Variants in SGCZ observed in about 807,000 individuals in gnomAD.
SGCZ encodes the protein zeta-sarcoglycan.
In SGCZ, 40 loss-of-function variants were observed where a neutral mutation model predicts 41.3. The observed-to-expected ratio is 0.97, with a 90% confidence interval of 0.75 to 1.26. The LOEUF (loss-of-function observed/expected upper bound fraction) is 1.26, where lower values mean the gene tolerates loss of function less well. Ranked by LOEUF, SGCZ falls within the 50% of genes most tolerant of loss-of-function variation. SGCZ has a pLI of 0.00. For missense variants in SGCZ, 552 were observed against 369.8 expected (o/e 1.49, Z -4.04); for synonymous variants, 206 against 137.5 (o/e 1.50, Z -3.49).
chr8:14,764,734 G>A lies in SGCZ; in HGVS notation c.40-209808C>T, dbSNP rs532692215. Reference sequence around the variant, plus strand: ...ATTAGATCCTGGACCAAATCAAGAAGAATTAAAAACAATTAGAAAAACTTA... The same window carrying A: ...ATTAGATCCTGGACCAAATCAAGAAAAATTAAAAACAATTAGAAAAACTTA... On this transcript the variant is annotated intron_variant, in intron 1 of 7. Coordinates refer to ENST00000382080, the MANE Select transcript of SGCZ (RefSeq NM_139167.4). 7.9e-5 allele frequency among the ~76,000 whole-genome samples: 12 copies of A among 152,194 alleles called. No individual in the cohort carries two copies. The East Asian group carries it at 1.9e-3, about 24-fold the overall frequency.
intron 3 of SGCZ, among the ~76,000 whole-genome samples, chr8:14,239,958 T>C (rs542846739): frequency 2.9e-5 from 4 of 140,292 alleles, no homozygotes; most frequent in South Asian, 2.4e-4. Flanking sequence ...TTATTACACA[T>C]GTTAAAATAG....
At chr8:14,778,166 G>C (rs886925291) in intron 1 of SGCZ, among the ~76,000 whole-genome samples, 1 of 152,018 alleles carries the variant, frequency 6.6e-6, no homozygotes, top group South Asian at 2.1e-4. Flanking sequence ...GGCCTCAAGC[G>C]ATCCTCCCTC....
chr8:14,774,311 T>C lies in SGCZ; in HGVS notation c.40-219385A>G, dbSNP rs143215296. On this transcript the variant is annotated intron_variant, in intron 1 of 7. Transcript: ENST00000382080. ...ATTTTGGACTTGTTAGTCTCTATAATTGCATCAGCCAATTTCTTAAGTGTC... is the reference window on the plus strand; with the variant it reads ...ATTTTGGACTTGTTAGTCTCTATAACTGCATCAGCCAATTTCTTAAGTGTC... Among the ~76,000 whole-genome samples the C allele has an allele frequency of 3.7e-4, 57 of 152,322 alleles. 3 individuals are homozygous for C. In the East Asian group the frequency reaches 9.8e-3, roughly 26 times the overall value.
chr8:14,195,981 C>G, intron 4 of SGCZ, among the ~76,000 whole-genome samples: 1 of 152,106 alleles, frequency 6.6e-6, no homozygotes, highest in East Asian at 1.9e-4. Context: ...GTAGTGACCA[C>G]CTGAGTAAAC....
intron 1 of SGCZ, among the ~76,000 whole-genome samples, chr8:14,940,297 A>C (rs1800227482): frequency 6.6e-6 from 1 of 152,126 alleles, no homozygotes; most frequent in African/African-American, 2.4e-5. Flanking sequence ...CATCATCATC[A>C]AATGTTTGCC....
chr8:14,319,928 T>G (rs1369646513), intron 3 of SGCZ, among the ~76,000 whole-genome samples: 1 of 152,016 alleles, frequency 6.6e-6, no homozygotes, highest in Admixed American at 6.6e-5. Flanking sequence ...AAGACAAGTT[T>G]TATTTTAAAA....
chr8:14,214,874 A>G (rs983141840), intron 4 of SGCZ, among the ~76,000 whole-genome samples: 1 of 152,172 alleles, frequency 6.6e-6, no homozygotes, highest in African/African-American at 2.4e-5. Flanking sequence ...TGAAGTAAAA[A>G]TGATAGAGTT....
chr8:14,326,281 T>C (rs1489335023), intron 2 of SGCZ, among the ~76,000 whole-genome samples: 1 of 151,852 alleles, frequency 6.6e-6, no homozygotes, highest in Non-Finnish European at 1.5e-5. Flanking sequence ...TTGTGATCAG[T>C]ATCAGACGAA....
chr8:15,039,155 A>T (rs1598190), intron 1 of SGCZ, among the ~76,000 whole-genome samples: 85 of 152,044 alleles, frequency 5.6e-4, no homozygotes, highest in African/African-American at 1.8e-3. Flanking sequence ...TAAATCAGTA[A>T]GTTAAAGAGT....
At chr8:15,224,632 C>T (rs1801708918) in intron 1 of SGCZ, among the ~76,000 whole-genome samples, 1 of 152,048 alleles carries the variant, frequency 6.6e-6, no homozygotes, top group South Asian at 2.1e-4. Context: ...AGTAAATAGG[C>T]AAAGCATTAT....
intron 1 of SGCZ, among the ~76,000 whole-genome samples, chr8:15,025,856 ATAAG>A (rs1253050697): frequency 5.3e-5 from 8 of 152,226 alleles, no homozygotes; most frequent in African/African-American, 1.2e-4. Flanking sequence ...TAATTTTTAT[ATAAG>A]TAAGACTATA....
intron 1 of SGCZ, among the ~76,000 whole-genome samples, chr8:14,623,172 G>A (rs1176737419): frequency 6.6e-6 from 1 of 152,088 alleles, no homozygotes; most frequent in African/African-American, 2.4e-5. Flanking sequence ...ACATCGGAAG[G>A]CATAATAACG....
At chr8:14,686,584 G>T (rs1808618542) in intron 1 of SGCZ, among the ~76,000 whole-genome samples, 1 of 152,022 alleles carries the variant, frequency 6.6e-6, no homozygotes, top group Non-Finnish European at 1.5e-5. Context: ...AAGACGGCCA[G>T]GTTTTCAGCT....
chr8:14,937,741 G>T, intron 1 of SGCZ, among the ~76,000 whole-genome samples: 1 of 151,622 alleles, frequency 6.6e-6, no homozygotes, highest in African/African-American at 2.4e-5. Flanking sequence ...AAGTTTTTTT[G>T]TCAAATACAT....
chr8:14,944,120 T>C (rs545694388), intron 1 of SGCZ, among the ~76,000 whole-genome samples: 65 of 152,098 alleles, frequency 4.3e-4, no homozygotes, highest in Non-Finnish European at 7.6e-4. Flanking sequence ...TTAGCCATCC[T>C]CTCCCCGCTT....
At chr8:15,164,573 C>T (rs1799599435) in intron 1 of SGCZ, among the ~76,000 whole-genome samples, 1 of 151,738 alleles carries the variant, frequency 6.6e-6, no homozygotes, top group African/African-American at 2.4e-5. Flanking sequence ...GGTTCTTCCC[C>T]AGGCATTTTT....
chr8:14,670,808 T>C (rs1808077976), intron 1 of SGCZ, among the ~76,000 whole-genome samples: 1 of 152,220 alleles, frequency 6.6e-6, no homozygotes, highest in Non-Finnish European at 1.5e-5. Context: ...TAAAGGTGTT[T>C]AATTCCTTGT....
intron 4 of SGCZ, among the ~76,000 whole-genome samples, chr8:14,220,033 A>C (rs1275186037): frequency 1.3e-5 from 2 of 152,210 alleles, no homozygotes; most frequent in Non-Finnish European, 2.9e-5. Context: ...GTTTGAGCCT[A>C]GTTATAGTGA....
At chr8:14,712,942 G>C (rs1809569665) in intron 1 of SGCZ, among the ~76,000 whole-genome samples, 2 of 151,906 alleles carry the variant, frequency 1.3e-5, no homozygotes, top group Admixed American at 6.6e-5. Context: ...TGAGCAGTAG[G>C]GCCAAGACAC....
Sources: gnomAD v4.1 joint callset for allele counts (sites outside exome capture counted in the v4.1 genomes callset) on GRCh38, gnomAD v4.1.1 for gene constraint, MANE v1.5 for transcripts, NCBI Gene and HGNC (gene_info 2026-07-23, HGNC 2026-07-21) for gene names.